The following AGBL1 variants were observed in gnomAD, a reference collection of about 807,000 sequenced individuals.
The protein encoded by AGBL1 is AGBL carboxypeptidase 1.
In AGBL1, 130 loss-of-function variants were observed where a neutral mutation model predicts 118.9. That is an observed-to-expected ratio of 1.09 (90% confidence interval 0.95 to 1.26). AGBL1 has a LOEUF of 1.26. AGBL1 is among the 50% of genes most tolerant of loss of function. The pLI, the probability that AGBL1 is intolerant of heterozygous loss-of-function variation, is 0.00. For missense variants in AGBL1, 1,584 were observed against 1,298.1 expected (o/e 1.22, Z -3.38); for synonymous variants, 555 against 478.9 (o/e 1.16, Z -2.08).
intron 22 of AGBL1, among the ~76,000 whole-genome samples, chr15:86,803,295 T>C (rs772968124): frequency 1.1e-4 from 17 of 152,154 alleles, no homozygotes; most frequent in Admixed American, 4.6e-4. Flanking sequence ...GCATCTGGCA[T>C]TTCCCTTGCT....
chr15:87,029,382 A>G (rs1457582469), downstream of AGBL1, among the ~76,000 whole-genome samples: 1 of 151,922 alleles, frequency 6.6e-6, no homozygotes. Flanking sequence ...AAGAAAGTGA[A>G]TCTAACCACC....
intron 3 of AGBL1, among the ~76,000 whole-genome samples, chr15:86,145,140 GC>G (rs1306612554): frequency 8.5e-5 from 13 of 152,072 alleles, no homozygotes; most frequent in Non-Finnish European, 1.8e-4. Context: ...AGGATTTAGG[GC>G]CCACTCTAAT....
intron 21 of AGBL1, among the ~76,000 whole-genome samples, chr15:86,639,436 A>G (rs565046971): frequency 6.6e-6 from 1 of 152,204 alleles, no homozygotes; most frequent in Non-Finnish European, 1.5e-5. Flanking sequence ...GTGGTGGCCA[A>G]AGAAAGAGTC....
chr15:86,249,121 C>T (rs1597621144), intron 7 of AGBL1, among the ~76,000 whole-genome samples: 1 of 152,198 alleles, frequency 6.6e-6, no homozygotes, highest in South Asian at 2.1e-4. Context: ...TTTGAGGCTA[C>T]ATATGCCCTC....
intron 22 of AGBL1, among the ~76,000 whole-genome samples, chr15:86,684,576 C>A (rs2086021331): frequency 6.6e-6 from 1 of 152,002 alleles, no homozygotes; most frequent in African/African-American, 2.4e-5. Flanking sequence ...TTGCCTTGGC[C>A]TCCCAAAGTG....
intron 7 of AGBL1, among the ~76,000 whole-genome samples, chr15:86,251,849 G>T (rs1190773835): frequency 6.6e-6 from 1 of 151,876 alleles, no homozygotes; most frequent in Admixed American, 6.6e-5. Context: ...CTACAAGGAT[G>T]CCTGAAACAT....
chr15:86,656,187 TTATTC>T (rs1172725506), intron 21 of AGBL1, among the ~76,000 whole-genome samples: 3 of 152,222 alleles, frequency 2.0e-5, no homozygotes, highest in Non-Finnish European at 4.4e-5. Context: ...TAGGAAGTCT[TTATTC>T]TATATTAAAT....
At chr15:86,586,776 G>A (rs888394968) in intron 21 of AGBL1, among the ~76,000 whole-genome samples, 1 of 152,140 alleles carries the variant, frequency 6.6e-6, no homozygotes, top group Non-Finnish European at 1.5e-5. Flanking sequence ...GGAAGGTTTA[G>A]GAGTTATTTA....
At chr15:86,866,883 T>C (rs1206917977) in intron 22 of AGBL1, among the ~76,000 whole-genome samples, 2 of 152,194 alleles carry the variant, frequency 1.3e-5, no homozygotes, top group African/African-American at 4.8e-5. Context: ...ACAGAGACTG[T>C]AGAAGTCAGA....
At chr15:86,082,463 C>G (rs981324916) in intron 1 of AGBL1, among the ~76,000 whole-genome samples, 2 of 152,202 alleles carry the variant, frequency 1.3e-5, no homozygotes, top group Non-Finnish European at 2.9e-5. Flanking sequence ...GTTCCCATGT[C>G]TTTTAGGAGT....
chr15:86,745,958 G>T (rs558212040), intron 22 of AGBL1, among the ~76,000 whole-genome samples: 1 of 152,028 alleles, frequency 6.6e-6, no homozygotes, highest in Non-Finnish European at 1.5e-5. Context: ...CTCTCTTTCA[G>T]GTAGAGAATA....
chr15:86,331,766 C>A (rs1039075009), intron 17 of AGBL1, among the ~76,000 whole-genome samples: 4 of 152,312 alleles, frequency 2.6e-5, no homozygotes, highest in African/African-American at 9.6e-5. Flanking sequence ...TTTGTTATCA[C>A]CAGACCAGAC....
intron 21 of AGBL1, among the ~76,000 whole-genome samples, chr15:86,657,866 C>T (rs2085486016): frequency 6.6e-6 from 1 of 151,736 alleles, no homozygotes; most frequent in Non-Finnish European, 1.5e-5. Context: ...GCCATGGTGT[C>T]TTGGTGGGAA....
chr15:86,300,690 C>T (rs7175818), intron 17 of AGBL1, among the ~76,000 whole-genome samples: 1,750 of 152,282 alleles, frequency 0.011, 30 homozygotes, highest in African/African-American at 0.038. Flanking sequence ...CCACAGTCTC[C>T]TATGGCTCAC....
intron 22 of AGBL1, among the ~76,000 whole-genome samples, chr15:86,874,688 C>A (rs755443320): frequency 5.3e-5 from 8 of 152,170 alleles, no homozygotes; most frequent in Non-Finnish European, 8.8e-5. Context: ...GTTCCCCTCA[C>A]TGACCTGGGA....
At chr15:86,925,200 A>G (rs1401507111) in intron 23 of AGBL1, among the ~76,000 whole-genome samples, 58 of 125,186 alleles carry the variant, frequency 4.6e-4, no homozygotes, top group African/African-American at 1.6e-3. Context: ...AAAAGAAGAA[A>G]AGAAGAAGAA....
chr15:86,422,808 C>T (rs1363546174), intron 18 of AGBL1, among the ~76,000 whole-genome samples: 18 of 152,040 alleles, frequency 1.2e-4, no homozygotes, highest in Admixed American at 3.3e-4. Context: ...CAGATAATAC[C>T]ATAAATACCT....
At chr15:86,114,925 G>A (rs1472723216) in intron 1 of AGBL1, among the ~76,000 whole-genome samples, 3 of 152,152 alleles carry the variant, frequency 2.0e-5, no homozygotes, top group African/African-American at 4.8e-5. Context: ...CAGTGAATTT[G>A]ACTCTTTTGT....
intron 2 of AGBL1, 66 bp downstream of exon 2, chr15:86,142,133 C>G: frequency 6.7e-7 from 1 of 1,491,652 alleles, no homozygotes; most frequent in Non-Finnish European, 9.1e-7. Flanking sequence ...TGATCTCTCC[C>G]AGGCACCTCT....
Sources: gnomAD v4.1 joint callset for allele counts (sites outside exome capture counted in the v4.1 genomes callset) on GRCh38, gnomAD v4.1.1 for gene constraint, MANE v1.5 for transcripts, NCBI Gene and HGNC (gene_info 2026-07-23, HGNC 2026-07-21) for gene names.